ATP2B2: variants seen among roughly 807,000 people sequenced by gnomAD.
ATP2B2 encodes ATPase plasma membrane Ca2+ transporting 2.
Under a neutral mutation model 120.0 loss-of-function variants are expected in ATP2B2, and 15 were observed. The ratio of observed to expected loss-of-function variants is 0.12; its 90% confidence interval spans 0.08 to 0.19. ATP2B2 has a LOEUF of 0.19. Among genes scored for constraint, ATP2B2 ranks in the 10% least tolerant of loss-of-function variants. The probability of loss-of-function intolerance (pLI) is 1.00; values close to 1 mark genes in which losing one functional copy is unlikely to be tolerated. For missense variants in ATP2B2, 1,045 were observed against 1,719.8 expected, an observed-to-expected ratio of 0.61 and a Z score of 6.94; for synonymous variants, 694 against 700.3, an observed-to-expected ratio of 0.99 and a Z score of 0.14.
At chr3:10,619,598 C>T (rs931394842) in intron 2 of ATP2B2, among the ~76,000 whole-genome samples, 9 of 152,180 alleles carry the variant, frequency 5.9e-5, no homozygotes, top group African/African-American at 1.9e-4. Context: ...AGTGGCAATG[C>T]GTAGGCTCTG....
At chr3:10,483,257 G>A (rs1031709249) in intron 1 of ATP2B2, among the ~76,000 whole-genome samples, 8 of 152,212 alleles carry the variant, frequency 5.3e-5, no homozygotes, top group African/African-American at 1.7e-4. Flanking sequence ...TACAGATGAC[G>A]AGGCTGTACA....
chr3:10,490,894 T>A (rs1160955932), intron 1 of ATP2B2, among the ~76,000 whole-genome samples: 1 of 152,216 alleles, frequency 6.6e-6, no homozygotes, highest in Admixed American at 6.5e-5. Context: ...TTTAAAAATA[T>A]CTGTTATTTG....
At chr3:10,624,355 C>G (rs2069634373) in intron 1 of ATP2B2, among the ~76,000 whole-genome samples, 1 of 152,092 alleles carries the variant, frequency 6.6e-6, no homozygotes, top group African/African-American at 2.4e-5. Flanking sequence ...GATATGAGGC[C>G]CCTCTGCCTC....
At chr3:10,451,249 C>T (rs760994072) in intron 1 of ATP2B2, among the ~76,000 whole-genome samples, 20 of 152,160 alleles carry the variant, frequency 1.3e-4, no homozygotes, top group Non-Finnish European at 2.2e-4. Flanking sequence ...GGGGTGCTCC[C>T]GCGTTTGTCT....
chr3:10,615,740 GA>G (rs1559488170), intron 2 of ATP2B2, among the ~76,000 whole-genome samples: 6 of 152,156 alleles, frequency 3.9e-5, no homozygotes, highest in Admixed American at 2.6e-4. Context: ...TTGATGCTAA[GA>G]AAAATTATTT....
intron 1 of ATP2B2, among the ~76,000 whole-genome samples, chr3:10,624,971 G>C (rs1288010913): frequency 6.6e-6 from 1 of 152,230 alleles, no homozygotes; most frequent in African/African-American, 2.4e-5. Context: ...AGATGGGAAA[G>C]CGGGCCTTTC....
chr3:10,555,861 C>G (rs541936507), intron 2 of ATP2B2, among the ~76,000 whole-genome samples: 1 of 152,210 alleles, frequency 6.6e-6, no homozygotes, highest in African/African-American at 2.4e-5. Flanking sequence ...CAGATCCCAC[C>G]TTCTCTGTGG....
At chr3:10,331,302 G>A (rs866623819) in intron 22 of ATP2B2, among the ~76,000 whole-genome samples, 9 of 152,330 alleles carry the variant, frequency 5.9e-5, no homozygotes, top group African/African-American at 9.6e-5. Flanking sequence ...CAAAGAAGGC[G>A]CTGCAGGCCT....
intron 1 of ATP2B2, among the ~76,000 whole-genome samples, chr3:10,643,354 G>T (rs909992973): frequency 6.6e-6 from 1 of 152,160 alleles, no homozygotes; most frequent in African/African-American, 2.4e-5. Flanking sequence ...TGCAAAATCA[G>T]CAATCATAGT....
chr3:10,502,507 T>C (rs1436735048), intron 1 of ATP2B2, among the ~76,000 whole-genome samples: 1 of 152,208 alleles, frequency 6.6e-6, no homozygotes, highest in African/African-American at 2.4e-5. Context: ...CTGAGAGCAC[T>C]TGCAAGAAGC....
chr3:10,650,513 C>T (rs1008796231), intron 1 of ATP2B2, among the ~76,000 whole-genome samples: 5 of 152,172 alleles, frequency 3.3e-5, no homozygotes, highest in East Asian at 1.9e-4. Context: ...AAATGAAAAT[C>T]CCATTTTCTG....
At chr3:10,332,907 G>A (rs1559520168) in intron 22 of ATP2B2, among the ~76,000 whole-genome samples, 1 of 152,186 alleles carries the variant, frequency 6.6e-6, no homozygotes, top group Non-Finnish European at 1.5e-5. Flanking sequence ...TCAGGTATAA[G>A]GCAATAGGGA....
chr3:10,579,821 A>G (rs1468220215), intron 2 of ATP2B2, among the ~76,000 whole-genome samples: 1 of 136,732 alleles, frequency 7.3e-6, no homozygotes, highest in Non-Finnish European at 1.5e-5. Context: ...AAAACAAAAC[A>G]AAACAAAACA....
At chr3:10,420,199 G>T (rs1336835529) in intron 2 of ATP2B2, among the ~76,000 whole-genome samples, 4 of 152,172 alleles carry the variant, frequency 2.6e-5, no homozygotes, top group Non-Finnish European at 5.9e-5. Context: ...AGACAGAGTG[G>T]GTAGCTTGCA....
At position 10,449,688 on chromosome 3, in the gene ATP2B2, G is replaced by A; in HGVS notation, c.-145C>T. 1.0e-6 allele frequency: 1 copy of A among 968,010 alleles called. No homozygotes were observed. Among genetic ancestry groups the A allele is most frequent in the Non-Finnish European group, 1.6e-6 (1 of 621,424 alleles). 60.0% of individuals were successfully genotyped at this position (968,010 alleles called of 1,614,324 possible). Reference sequence around the variant, plus strand: ...CGGCCGACTCCGGGTCCCGGGGGGTGGGGGTGGCCGAGGCGGGCTGGTGAC... The same window carrying A: ...CGGCCGACTCCGGGTCCCGGGGGGTAGGGGTGGCCGAGGCGGGCTGGTGAC... On this transcript the variant is annotated 5_prime_UTR_variant, in exon 2 of 23. Transcript: ENST00000360273.
intron 1 of ATP2B2, among the ~76,000 whole-genome samples, chr3:10,474,113 G>T (rs574793845): frequency 6.6e-6 from 1 of 152,220 alleles, no homozygotes; most frequent in South Asian, 2.1e-4. Flanking sequence ...TGTTGGAGAG[G>T]TGTGGGTGGG....
At chr3:10,357,513 C>T (rs973379692) in intron 14 of ATP2B2, among the ~76,000 whole-genome samples, 1 of 152,062 alleles carries the variant, frequency 6.6e-6, no homozygotes, top group Non-Finnish European at 1.5e-5. Flanking sequence ...CTTGTCTATC[C>T]CTTTTACCTT....
intron 1 of ATP2B2, among the ~76,000 whole-genome samples, chr3:10,474,778 A>G (rs2065143056): frequency 6.6e-6 from 1 of 152,250 alleles, no homozygotes; most frequent in Non-Finnish European, 1.5e-5. Flanking sequence ...GCAAAGGCAA[A>G]TGCTTTTCTA....
chr3:10,619,691 A>G (rs1462838592), intron 2 of ATP2B2, among the ~76,000 whole-genome samples: 4 of 152,164 alleles, frequency 2.6e-5, no homozygotes, highest in Non-Finnish European at 5.9e-5. Context: ...CTCCTCCTCT[A>G]CTAATAGAAG....
Sources: allele counts gnomAD v4.1 joint callset (sites outside exome capture counted in the v4.1 genomes callset), GRCh38; gene constraint gnomAD v4.1.1; transcripts MANE v1.5; gene names NCBI Gene and HGNC (gene_info 2026-07-23, HGNC 2026-07-21).